ZCWPW2: variants seen among roughly 807,000 people sequenced by gnomAD.
The protein encoded by ZCWPW2 is zinc finger CW-type PWWP domain protein 2.
A neutral mutation model predicts 46.6 loss-of-function variants in ZCWPW2; 45 were observed. The observed-to-expected ratio is 0.96, with a 90% CI of 0.76 to 1.24. The LOEUF is 1.24. Among genes scored for constraint, ZCWPW2 ranks in the 50% most tolerant of loss-of-function variants. ZCWPW2 has a pLI of 0.00. For synonymous variants in ZCWPW2, 152 were observed against 137.1 expected (o/e 1.11, Z -0.76); for missense variants, 429 against 403.9 (o/e 1.06, Z -0.53).
At chr3:28,448,668 C>A (rs140823467) in intron 4 of ZCWPW2, among the ~76,000 whole-genome samples, 6 of 151,272 alleles carry the variant, frequency 4.0e-5, no homozygotes, top group African/African-American at 1.2e-4. Context: ...GCCTATAATA[C>A]GAGCTACCCG....
At chr3:28,424,836 T>C (rs1288112563) in intron 3 of ZCWPW2, among the ~76,000 whole-genome samples, 2 of 152,150 alleles carry the variant, frequency 1.3e-5, no homozygotes, top group Admixed American at 6.5e-5. Context: ...ATGTGATAAT[T>C]AGGAGGGACA....
chr3:28,392,479 G>A (rs1471695256), intron 2 of ZCWPW2, among the ~76,000 whole-genome samples: 1 of 152,134 alleles, frequency 6.6e-6, no homozygotes, highest in African/African-American at 2.4e-5. Flanking sequence ...TAACAGAAAT[G>A]TAGAACATTC....
At chr3:28,395,893 C>A (rs1177546568) in intron 2 of ZCWPW2, among the ~76,000 whole-genome samples, 1 of 151,952 alleles carries the variant, frequency 6.6e-6, no homozygotes, top group East Asian at 1.9e-4. Flanking sequence ...CTTAATTTTT[C>A]TTTTCAGAAA....
At chr3:28,438,878 A>G (rs1327051361) in intron 4 of ZCWPW2, among the ~76,000 whole-genome samples, 3 of 152,074 alleles carry the variant, frequency 2.0e-5, no homozygotes, top group Non-Finnish European at 2.9e-5. Flanking sequence ...ACAGAAAAGT[A>G]CAACTGAAAT....
chr3:28,497,705 AAG>A (rs1183299434), intron 6 of ZCWPW2, among the ~76,000 whole-genome samples: 1 of 152,026 alleles, frequency 6.6e-6, no homozygotes, highest in African/African-American at 2.4e-5. Context: ...ACCAAGATTT[AAG>A]AGTGTTGCCA....
intron 4 of ZCWPW2, among the ~76,000 whole-genome samples, chr3:28,447,553 T>G (rs1314196576): frequency 1.3e-5 from 2 of 152,114 alleles, no homozygotes; most frequent in African/African-American, 4.8e-5. Flanking sequence ...AAACATTATA[T>G]TCAAAGATGA....
intron 4 of ZCWPW2, chr3:28,447,929 A>G: frequency 1.3e-6 from 1 of 770,228 alleles, no homozygotes; most frequent in Non-Finnish European, 2.2e-6. Context: ...AGATTGTCCA[A>G]AACAAAAAAA....
chr3:28,490,220 G>A (rs1699759554), intron 5 of ZCWPW2, among the ~76,000 whole-genome samples: 2 of 152,138 alleles, frequency 1.3e-5, no homozygotes, highest in African/African-American at 4.8e-5. Context: ...ACTACTTGTG[G>A]TAGTGTAATT....
chr3:28,469,685 T>A (rs1293563835), intron 4 of ZCWPW2, among the ~76,000 whole-genome samples: 1 of 151,424 alleles, frequency 6.6e-6, no homozygotes, highest in Non-Finnish European at 1.5e-5. Flanking sequence ...GTTGTAAATA[T>A]GTATATATAT....
intron 1 of ZCWPW2, among the ~76,000 whole-genome samples, chr3:28,390,296 C>T (rs1241152733): frequency 1.3e-5 from 2 of 152,112 alleles, no homozygotes; most frequent in Non-Finnish European, 2.9e-5. Flanking sequence ...AAATCAGCAT[C>T]TTAACATTGA....
chr3:28,357,797 T>TTTTATATATATA (rs1553627833), intron 1 of ZCWPW2, among the ~76,000 whole-genome samples: 1 of 140,426 alleles, frequency 7.1e-6, no homozygotes, highest in African/African-American at 2.7e-5. Context: ...TTGGTATATT[T>TTTTATATATATA]TATATATATA....
At chr3:28,393,773 A>G (rs1344165202) in intron 2 of ZCWPW2, among the ~76,000 whole-genome samples, 1 of 152,130 alleles carries the variant, frequency 6.6e-6, no homozygotes, top group East Asian at 1.9e-4. Context: ...AAATAGATAT[A>G]GAAGGAATGC....
intron 4 of ZCWPW2, among the ~76,000 whole-genome samples, chr3:28,436,597 T>C (rs1238820639): frequency 6.6e-6 from 1 of 152,202 alleles, no homozygotes; most frequent in African/African-American, 2.4e-5. Flanking sequence ...TTGGCAAATA[T>C]ATAGTAAAAA....
At chr3:28,385,697 A>G (rs1382215812) in intron 1 of ZCWPW2, among the ~76,000 whole-genome samples, 2 of 152,184 alleles carry the variant, frequency 1.3e-5, no homozygotes, top group East Asian at 3.9e-4. Context: ...GTTAGTTTCT[A>G]TGGAGCTTTG....
intron 3 of ZCWPW2, among the ~76,000 whole-genome samples, chr3:28,434,519 A>AT (rs1405575774): frequency 2.6e-5 from 4 of 152,148 alleles, no homozygotes; most frequent in Non-Finnish European, 5.9e-5. Flanking sequence ...AATGTTGAAG[A>AT]TTTTTTAACA....
intron 6 of ZCWPW2, among the ~76,000 whole-genome samples, chr3:28,507,526 G>C (rs1214446904): frequency 6.6e-6 from 1 of 151,632 alleles, no homozygotes; most frequent in Non-Finnish European, 1.5e-5. Context: ...TCCCTTTGTG[G>C]AGTACAGTGG....
chr3:28,438,901 A>G (rs1004513300), intron 4 of ZCWPW2, among the ~76,000 whole-genome samples: 2 of 152,118 alleles, frequency 1.3e-5, no homozygotes, highest in East Asian at 3.9e-4. Flanking sequence ...AAAGTTCACT[A>G]TAGGGATTCA....
intron 3 of ZCWPW2, among the ~76,000 whole-genome samples, chr3:28,422,237 G>A (rs1696820955): frequency 1.3e-5 from 2 of 152,004 alleles, no homozygotes; most frequent in Admixed American, 1.3e-4. Context: ...GTTTACATTA[G>A]GATTCATTCT....
At chr3:28,357,775 T>A (rs1704796172) in intron 1 of ZCWPW2, among the ~76,000 whole-genome samples, 1 of 147,818 alleles carries the variant, frequency 6.8e-6, no homozygotes, top group Non-Finnish European at 1.5e-5. Context: ...TATATATACA[T>A]ATAATATATA....
Sources: allele counts gnomAD v4.1 joint callset (sites outside exome capture counted in the v4.1 genomes callset), GRCh38; gene constraint gnomAD v4.1.1; transcripts MANE v1.5; gene names NCBI Gene and HGNC (gene_info 2026-07-23, HGNC 2026-07-21).